PPP1R21: variants seen among roughly 807,000 people sequenced by gnomAD.
PPP1R21 encodes protein phosphatase 1 regulatory subunit 21.
Under a neutral mutation model 112.8 loss-of-function variants are expected in PPP1R21, and 85 were observed. The observed-to-expected ratio is 0.75, with a 90% CI of 0.63 to 0.90. The LOEUF is 0.90. PPP1R21 is among the 40% of genes least tolerant of loss of function. The probability of loss-of-function intolerance (pLI) is 0.00; values close to 1 mark genes in which losing one functional copy is unlikely to be tolerated. For missense variants in PPP1R21, 1,199 were observed against 901.5 expected, an observed-to-expected ratio of 1.33 and a Z score of -4.23; for synonymous variants, 381 against 322.3, an observed-to-expected ratio of 1.18 and a Z score of -1.95.
At chr2:48,476,769 C>A (rs1385169497) in intron 12 of PPP1R21, among the ~76,000 whole-genome samples, 1 of 151,950 alleles carries the variant, frequency 6.6e-6, no homozygotes, top group Non-Finnish European at 1.5e-5. Flanking sequence ...TTATTGAGAT[C>A]TTTTCTCCAT....
chr2:48,454,841 T>G, intron 3 of PPP1R21, 100 bp downstream of exon 3: 1 of 917,578 alleles, frequency 1.1e-6, no homozygotes, highest in Admixed American at 2.1e-5. Flanking sequence ...CCGAATTATT[T>G]TTTTCTTTGT....
rs1312069795 is a variant in PPP1R21 at position 48,510,034 on chromosome 2, G to T, written c.2105G>T (p.Arg702Ile). ...FYAECRALSK[R>I]LALAEKSKEA... ...TTACAGTGCCGAGCACTGTCTAAAA[G>T]ACTGGCCTTGGCTGAAAAGTCTAAG... Residue 702 changes from arginine to isoleucine, a missense_variant, in exon 20 of 22, where the codon AGA (arginine) becomes ATA (isoleucine). By Grantham distance (97) the Arg-to-Ile change is moderately conservative. Coordinates refer to ENST00000294952, the MANE Select transcript of PPP1R21 (RefSeq NM_001135629.3). 2.5e-6 allele frequency: 4 copies of T among 1,613,820 alleles called. No homozygotes were observed. The highest frequency in any genetic ancestry group is 8.5e-7 in the Non-Finnish European group (1 of 1,179,756).
At chr2:48,502,575 T>C (rs1670168592) in intron 17 of PPP1R21, among the ~76,000 whole-genome samples, 1 of 152,096 alleles carries the variant, frequency 6.6e-6, no homozygotes, top group Non-Finnish European at 1.5e-5. Context: ...TATGTGCCCA[T>C]TTCAGTGTTA....
At chr2:48,453,111 G>C (rs1371223338) in intron 2 of PPP1R21, among the ~76,000 whole-genome samples, 1 of 152,018 alleles carries the variant, frequency 6.6e-6, no homozygotes. Flanking sequence ...GCACCACCCT[G>C]CCTGGCTAAT....
intron 9 of PPP1R21, among the ~76,000 whole-genome samples, chr2:48,470,715 T>G (rs1668461564): frequency 6.6e-6 from 1 of 152,192 alleles, no homozygotes; most frequent in African/African-American, 2.4e-5. Context: ...GTTTTTATAC[T>G]GGGACCTCTA....
intron 13 of PPP1R21, among the ~76,000 whole-genome samples, chr2:48,480,266 C>T (rs565918071): frequency 8.5e-5 from 13 of 152,282 alleles, no homozygotes; most frequent in African/African-American, 2.6e-4. Context: ...GCCAGAAATA[C>T]GTTACACTGA....
At chr2:48,449,355 C>A (rs937106501) in intron 1 of PPP1R21, among the ~76,000 whole-genome samples, 9 of 152,216 alleles carry the variant, frequency 5.9e-5, no homozygotes, top group Non-Finnish European at 1.2e-4. Flanking sequence ...TTCTATAGAC[C>A]ATATAGCTGG....
rs1668095503 is a variant in PPP1R21, at chr2:48,464,010, G to C, written c.695-927G>C. Reference sequence around the variant, plus strand: ...ATAGGCACACGGCAATGAAATTGTGGATTGCTGAGTAGAGTTGAAGCCCCC... The same window carrying C: ...ATAGGCACACGGCAATGAAATTGTGCATTGCTGAGTAGAGTTGAAGCCCCC... On this transcript the variant is annotated intron_variant, in intron 7 of 21. Transcript: ENST00000294952. Among the ~76,000 whole-genome samples the C allele has an allele frequency of 2.0e-5, 3 of 152,188 alleles. No individual in the cohort carries two copies. In the South Asian group the frequency reaches 6.2e-4, roughly 31 times the overall value.
At chr2:48,443,563 C>T (rs1250716000) in intron 1 of PPP1R21, among the ~76,000 whole-genome samples, 1 of 152,162 alleles carries the variant, frequency 6.6e-6, no homozygotes, top group African/African-American at 2.4e-5. Flanking sequence ...GGAAGAGATG[C>T]TAAGGAGACT....
At chr2:48,465,398 A>G (rs1469484889) in intron 8 of PPP1R21, 95 bp from the exon 9 acceptor site, 9 of 1,111,104 alleles carry the variant, frequency 8.1e-6, no homozygotes, top group African/African-American at 3.1e-5. Flanking sequence ...TAATCACACT[A>G]GGATTCAAAT....
At chr2:48,487,011 C>T (rs1271931170) in intron 14 of PPP1R21, among the ~76,000 whole-genome samples, 1 of 152,172 alleles carries the variant, frequency 6.6e-6, no homozygotes, top group Non-Finnish European at 1.5e-5. Context: ...GTGGCGGGGA[C>T]TATGGGCACA....
intron 9 of PPP1R21, among the ~76,000 whole-genome samples, chr2:48,470,423 C>T (rs535065734): frequency 2.7e-4 from 40 of 150,168 alleles, no homozygotes; most frequent in South Asian, 6.3e-4. Context: ...GAAGCTGAGG[C>T]AGGAGAATTG....
At chr2:48,452,609 T>G (rs1446728950) in intron 2 of PPP1R21, among the ~76,000 whole-genome samples, 1 of 151,830 alleles carries the variant, frequency 6.6e-6, no homozygotes, top group African/African-American at 2.4e-5. Flanking sequence ...GTACAACAAG[T>G]GACAATTTGC....
Position 48,458,233 on chromosome 2 carries a change from A to G in PPP1R21, c.375+6A>G. 6.3e-7 allele frequency: 1 copy of G among 1,591,544 alleles called. No individual in the cohort carries two copies. The highest frequency in any genetic ancestry group is 8.6e-7 in the Non-Finnish European group (1 of 1,160,948). ...ATGAACGGTTGCATATACAAGTGAG[A>G]AAATCTGTTTTTCTATGTGAATTAA... On this transcript the variant is annotated splice_donor_region_variant and intron_variant, in intron 4 of 21. Coordinates refer to ENST00000294952, the MANE Select transcript of PPP1R21 (RefSeq NM_001135629.3).
rs563965508 is a variant in PPP1R21 at position 48,495,697 on chromosome 2, C to T, written c.1618C>T (p.Pro540Ser). 13 of 1,608,248 alleles carry T rather than the reference C, an allele frequency of 8.1e-6. 1 individual carries two copies. The highest frequency in any genetic ancestry group is 8.0e-5 in the African/African-American group (6 of 74,876). Reference protein sequence around the residue: ...SLRKPLLESVPYEEALANRRI... With the variant: ...SLRKPLLESVSYEEALANRRI... ...ATCATAGCCCCTCTTGGAGTCTGTGCCTTATGAAGAAGCACTGGCAAACCG... is the reference window on the plus strand; with the variant it reads ...ATCATAGCCCCTCTTGGAGTCTGTGTCTTATGAAGAAGCACTGGCAAACCG... Residue 540 changes from proline (P) to serine (S), a missense_variant, in exon 16 of 22, where the codon CCT (proline) becomes TCT (serine). Transcript: ENST00000294952.
chr2:48,449,144 A>G (rs1179963188), intron 1 of PPP1R21, among the ~76,000 whole-genome samples: 1 of 152,262 alleles, frequency 6.6e-6, no homozygotes, highest in South Asian at 2.1e-4. Flanking sequence ...TCTCACCCAT[A>G]TCAATCAAGG....
chr2:48,454,805 C>T, intron 3 of PPP1R21, 64 bp downstream of exon 3: 2 of 1,318,872 alleles, frequency 1.5e-6, no homozygotes, highest in Non-Finnish European at 2.2e-6. Flanking sequence ...TACAGGGCAT[C>T]CTGGTTTTAA....
At position 48,500,640 on chromosome 2, in the gene PPP1R21, G is replaced by A. The variant is rs989543846; in HGVS notation, c.1935+1905G>A. On this transcript the variant is annotated intron_variant, in intron 17 of 21. Transcript: ENST00000294952. ...AAACTTCCTAGTTTGGGCTGGGTGC[G>A]TGGCTTATGCCTGTAATCCTAGCAC... 3.9e-5 allele frequency among the ~76,000 whole-genome samples: 6 copies of A among 152,168 alleles called. 1 individual carries two copies. The highest frequency in any genetic ancestry group is 7.2e-5 in the African/African-American group (3 of 41,442).
At chr2:48,500,100 C>T (rs919339028) in intron 17 of PPP1R21, among the ~76,000 whole-genome samples, 2 of 152,104 alleles carry the variant, frequency 1.3e-5, no homozygotes, top group African/African-American at 4.8e-5. Context: ...TCAGAGCATA[C>T]CTGCTAGTTA....
Sources: allele counts gnomAD v4.1 joint callset (sites outside exome capture counted in the v4.1 genomes callset), GRCh38; gene constraint gnomAD v4.1.1; transcripts MANE v1.5; gene names NCBI Gene and HGNC (gene_info 2026-07-23, HGNC 2026-07-21).